BBS7: variants seen among roughly 807,000 people sequenced by gnomAD.
BBS7 encodes Bardet-Biedl syndrome 7.
BBS7 carries 50 observed loss-of-function variants against 90.3 expected under a neutral mutation model. The ratio of observed to expected loss-of-function variants is 0.55; its 90% confidence interval spans 0.44 to 0.70. BBS7 has a LOEUF of 0.70. BBS7 is among the 30% of genes least tolerant of loss of function. BBS7 has a pLI of 0.00. For missense variants in BBS7, 729 were observed against 838.9 expected (o/e 0.87, Z 1.62); for synonymous variants, 235 against 287.4 (o/e 0.82, Z 1.85).
intron 5 of BBS7, 55 bp downstream of exon 5, chr4:121,858,937 C>A (rs997768936): frequency 2.7e-6 from 4 of 1,501,360 alleles, no homozygotes; most frequent in South Asian, 1.1e-5. Context: ...ACATAATGTT[C>A]ATTGATATTC....
In BBS7 at chr4:121,828,635, G is replaced by A. The variant is rs1214237936; in HGVS notation, c.1770C>T (p.Asn590=). 6.3e-7 allele frequency: 1 copy of A among 1,598,066 alleles called. No individual in the cohort carries two copies. The highest frequency in any genetic ancestry group is 8.6e-7 in the Non-Finnish European group (1 of 1,165,882). The change falls in exon 16 of 19, where the codon AAC becomes AAT. Residue 590 remains asparagine, a synonymous_variant. Transcript: ENST00000264499. ...LSKEATKRKI[N]LNISYEINEV... is the part of the protein sequence containing the mutation. ...TTTGTTTACCGTATGATATGTTGAG[G>A]TTAATTTTCCTTTTTGTAGCTTCTT... is the stretch of plus-strand genomic sequence containing the variant.
Position 121,861,452 on chromosome 4 carries a change from C to T in BBS7, c.341+52G>A, listed in dbSNP as rs898288808. ...GATACTTAGTTGCCTCACATCTATC[C>T]AAAATATTATAAATAAGTATGTAAA... On this transcript the variant is annotated intron_variant, in intron 4 of 18. Coordinates refer to ENST00000264499, the MANE Select transcript of BBS7 (RefSeq NM_176824.3). 5 of 1,552,410 alleles carry T rather than the reference C, an allele frequency of 3.2e-6. No homozygotes were observed. In the East Asian group the frequency reaches 9.1e-5, roughly 28 times the overall value.
At chr4:121,858,383 TG>T (rs1726796228) in intron 5 of BBS7, among the ~76,000 whole-genome samples, 1 of 152,164 alleles carries the variant, frequency 6.6e-6, no homozygotes, top group African/African-American at 2.4e-5. Context: ...TGTGTGTGTG[TG>T]TGTGTGCATA....
At chr4:121,848,426 T>C (rs756443606) in intron 9 of BBS7, among the ~76,000 whole-genome samples, 3 of 152,196 alleles carry the variant, frequency 2.0e-5, no homozygotes, top group Non-Finnish European at 4.4e-5. Flanking sequence ...TACCAGCCTA[T>C]CTACTGTTCA....
At position 121,858,977 on chromosome 4, in the gene BBS7, A is replaced by G. The variant is rs775076221; in HGVS notation, c.528+15T>C. 6.2e-7 allele frequency: 1 copy of G among 1,609,524 alleles called. No individual in the cohort carries two copies. On this transcript the variant is annotated intron_variant, in intron 5 of 18. Transcript: ENST00000264499. Reference sequence around the variant, plus strand: ...ACATAATATAAAAAATTAGAAAAATACAAATAACAGCAACCTGTAAAACTC... The same window carrying G: ...ACATAATATAAAAAATTAGAAAAATGCAAATAACAGCAACCTGTAAAACTC...
In BBS7 at chr4:121,863,190, T is replaced by C. The variant is rs770149667; in HGVS notation, c.165+27A>G. The C allele has an allele frequency of 1.9e-6, 3 of 1,609,278 alleles. No individual in the cohort carries two copies. In the South Asian group the frequency reaches 3.3e-5, roughly 18 times the overall value. ...AGTGCATTCTCTTTTAGAAAACCAT[T>C]TTTCCCCTTCACAAAGCTATACTTA... On this transcript the variant is annotated intron_variant, in intron 3 of 18. Coordinates refer to ENST00000264499, the MANE Select transcript of BBS7 (RefSeq NM_176824.3).
intron 5 of BBS7, among the ~76,000 whole-genome samples, chr4:121,857,961 T>A (rs1249090432): frequency 2.0e-5 from 3 of 152,066 alleles, no homozygotes; most frequent in Non-Finnish European, 2.9e-5. Flanking sequence ...TGTGTGCTAC[T>A]GCACCCAGCT....
At chr4:121,836,456 A>G (rs1463018155) in intron 13 of BBS7, among the ~76,000 whole-genome samples, 12 of 152,180 alleles carry the variant, frequency 7.9e-5, no homozygotes, top group Non-Finnish European at 1.6e-4. Flanking sequence ...AAATATATTC[A>G]AATTATACAT....
At chr4:121,859,580 CCATT>C (rs1726869359) in intron 4 of BBS7, among the ~76,000 whole-genome samples, 1 of 151,978 alleles carries the variant, frequency 6.6e-6, no homozygotes, top group East Asian at 1.9e-4. Context: ...AAAATAAGGA[CCATT>C]ATTATTCCTT....
intron 15 of BBS7, among the ~76,000 whole-genome samples, chr4:121,832,321 CAAAA>C (rs1725235230): frequency 1.3e-5 from 2 of 151,966 alleles, no homozygotes; most frequent in South Asian, 4.2e-4. Flanking sequence ...GATCCTGTCT[CAAAA>C]CAAACAAACA....
At chr4:121,847,044 A>T (rs1358095098) in intron 10 of BBS7, among the ~76,000 whole-genome samples, 2 of 152,148 alleles carry the variant, frequency 1.3e-5, no homozygotes, top group Admixed American at 6.5e-5. Flanking sequence ...GGAACAGCAA[A>T]CGTTAGAGTT....
chr4:121,827,045 T>C (rs949970934), intron 18 of BBS7, among the ~76,000 whole-genome samples: 15 of 152,150 alleles, frequency 9.9e-5, no homozygotes, highest in African/African-American at 3.6e-4. Context: ...TTAAGTCAGA[T>C]TTTGTTATTA....
intron 7 of BBS7, among the ~76,000 whole-genome samples, 199 bp downstream of exon 7, chr4:121,854,505 T>G (rs1399670263): frequency 6.6e-6 from 1 of 152,188 alleles, no homozygotes; most frequent in Non-Finnish European, 1.5e-5. Context: ...AATACCAAAT[T>G]ACTATCAGCA....
In BBS7 at chr4:121,825,441, A is replaced by T. The variant is rs3762840; in HGVS notation, c.*419T>A. The T allele has an allele frequency of 0.3, 46,230 of 153,848 alleles. 8,473 individuals carry two copies. The highest frequency in any genetic ancestry group is 0.44 in the East Asian group (2,295 of 5,232). The allele number at this position is 153,848 out of a possible 1,614,324, so 9.5% of individuals were successfully genotyped here. ...ATCAGTTTTCTTATATGATTTGACA[A>T]ATTTTACAACAGTTGTGAAGATCAA... On this transcript the variant is annotated 3_prime_UTR_variant, in exon 19 of 19. Coordinates refer to ENST00000264499, the MANE Select transcript of BBS7 (RefSeq NM_176824.3).
At chr4:121,828,569 CA>C (rs1460742453) in intron 16 of BBS7, 49 bp downstream of exon 16, 1 of 1,548,316 alleles carries the variant, frequency 6.5e-7, no homozygotes, top group Non-Finnish European at 8.9e-7. Flanking sequence ...AATAATGTAA[CA>C]ACAACACAAA....
At chr4:121,855,463 T>C in intron 6 of BBS7, 26 bp downstream of exon 6, 1 of 1,596,678 alleles carries the variant, frequency 6.3e-7, no homozygotes, top group African/African-American at 1.3e-5. Flanking sequence ...ACATAGTTGA[T>C]TTGTGAAAAA....
intron 12 of BBS7, among the ~76,000 whole-genome samples, chr4:121,841,753 TAA>T (rs1367037663): frequency 6.6e-6 from 1 of 152,152 alleles, no homozygotes; most frequent in African/African-American, 2.4e-5. Flanking sequence ...GTGATGTAAT[TAA>T]AACAGATTAA....
At chr4:121,831,787 A>G (rs1327404276) in intron 15 of BBS7, among the ~76,000 whole-genome samples, 1 of 152,172 alleles carries the variant, frequency 6.6e-6, no homozygotes, top group Admixed American at 6.5e-5. Context: ...ATTCTGAGGT[A>G]AAATTATGTT....
intron 15 of BBS7, 52 bp from the exon 16 acceptor site, chr4:121,828,780 A>G: frequency 1.9e-6 from 2 of 1,069,542 alleles, no homozygotes; most frequent in East Asian, 2.6e-5. Flanking sequence ...GAAATTGTCC[A>G]GTACATATAT....
Sources: gnomAD v4.1 joint callset for allele counts (sites outside exome capture counted in the v4.1 genomes callset) on GRCh38, gnomAD v4.1.1 for gene constraint, MANE v1.5 for transcripts, NCBI Gene and HGNC (gene_info 2026-07-23, HGNC 2026-07-21) for gene names.